Variants in CABP1 observed in about 807,000 individuals in gnomAD.
CABP1 encodes the protein calcium-binding protein 1.
Under a neutral mutation model 34.3 loss-of-function variants are expected in CABP1, and 17 were observed. That is an observed-to-expected ratio of 0.50 (90% CI 0.34 to 0.74). CABP1 has a LOEUF of 0.74. Ranked by LOEUF, CABP1 falls within the 30% of genes least tolerant of loss-of-function variation. CABP1 has a pLI of 0.01. For missense variants in CABP1, 373 were observed against 511.1 expected (o/e 0.73, Z 2.61); for synonymous variants, 198 against 229.2 (o/e 0.86, Z 1.23).
intron 1 of CABP1, among the ~76,000 whole-genome samples, chr12:120,651,397 C>A (rs1045606030): frequency 6.6e-6 from 1 of 152,178 alleles, no homozygotes; most frequent in Non-Finnish European, 1.5e-5. Flanking sequence ...TTAGAAAGAA[C>A]ATGATCATCT....
intron 1 of CABP1, among the ~76,000 whole-genome samples, chr12:120,658,661 C>T (rs940022038): frequency 1.3e-5 from 2 of 152,220 alleles, no homozygotes; most frequent in African/African-American, 4.8e-5. Flanking sequence ...GTCTTTTGTC[C>T]TGGGGCCAGT....
intron 1 of CABP1, among the ~76,000 whole-genome samples, chr12:120,658,573 A>C (rs1018701276): frequency 6.6e-6 from 1 of 152,026 alleles, no homozygotes; most frequent in Non-Finnish European, 1.5e-5. Context: ...TCTTGGTCCT[A>C]TGCACCTGGT....
At chr12:120,653,834 G>A (rs890654886) in intron 1 of CABP1, among the ~76,000 whole-genome samples, 11 of 152,158 alleles carry the variant, frequency 7.2e-5, no homozygotes, top group African/African-American at 1.9e-4. Context: ...CGCCCGGCCC[G>A]CCTCTTGGAG....
At chr12:120,671,138 G>A (rs1463342792), downstream of CABP1, among the ~76,000 whole-genome samples, 1 of 152,184 alleles carries the variant, frequency 6.6e-6, no homozygotes, top group African/African-American at 2.4e-5. Context: ...GGGCATGGTG[G>A]CTCATGCCTG....
rs1245971404 is a variant in CABP1 at position 120,641,429 on chromosome 12, C to G, written c.654+90C>G. On this transcript the variant is annotated intron_variant, in intron 1 of 5. Transcript: ENST00000316803. This position sits in a 1 kb window ranked among gnomAD's most constrained non-coding sequence, Gnocchi z 6.7. ...GCGCGTCCACAGCCTCCTCCCGCGGCCCGTGGTCCCCCACGGATCACGCCT... is the reference window on the plus strand; with the variant it reads ...GCGCGTCCACAGCCTCCTCCCGCGGGCCGTGGTCCCCCACGGATCACGCCT... 3 of 1,206,932 alleles carry G rather than the reference C, an allele frequency of 2.5e-6. No individual in the cohort carries two copies. Among genetic ancestry groups the G allele is most frequent in the Non-Finnish European group, 3.1e-6 (3 of 963,442 alleles). 74.8% of individuals were successfully genotyped at this position (1,206,932 alleles called of 1,614,324 possible).
rs927564828 is a variant in CABP1 at position 120,640,844 on chromosome 12, G to C, written c.159G>C (p.Ala53=). Residue 53 remains alanine, a synonymous_variant, in exon 1 of 6, where the codon GCG becomes GCC. Transcript: ENST00000316803. This position sits in a 1 kb window ranked among gnomAD's most constrained non-coding sequence, Gnocchi z 6.2. The part of the protein sequence containing the change: ...TAPPPPGHAS[A]GPAAMSSHIA... ...CGCCCCCGCCGGGCCATGCGAGCGC[G>C]GGCCCCGCCGCGATGAGCTCGCACA... 1.2e-3 allele frequency: 1,275 copies of C among 1,072,238 alleles called. 1 individual carries two copies. The highest frequency in any genetic ancestry group is 1.4e-3 in the Non-Finnish European group (1,229 of 887,714). 66.4% of individuals were successfully genotyped at this position (1,072,238 alleles called of 1,614,324 possible).
At chr12:120,647,560 C>CTT (rs10557275) in intron 1 of CABP1, among the ~76,000 whole-genome samples, 1,329 of 75,644 alleles carry the variant, frequency 0.018, 13 homozygotes, top group Middle Eastern at 0.026. Context: ...CAGTCCAAGC[C>CTT]TTTTTTTTTT....
At chr12:120,646,150 G>T (rs1879528410) in intron 1 of CABP1, among the ~76,000 whole-genome samples, 1 of 152,194 alleles carries the variant, frequency 6.6e-6, no homozygotes, top group Admixed American at 6.5e-5. Context: ...ATGCTGCTTT[G>T]GTGGGAGGTC....
intron 1 of CABP1, among the ~76,000 whole-genome samples, chr12:120,645,904 G>C (rs540843327): frequency 6.6e-6 from 1 of 152,254 alleles, no homozygotes; most frequent in African/African-American, 2.4e-5. Context: ...TACATGGCAG[G>C]GCCAGGTGTA....
At chr12:120,677,597 G>T in the CABP1 span, among the ~76,000 whole-genome samples, 3 of 151,420 alleles carry the variant, frequency 2.0e-5, no homozygotes, top group African/African-American at 7.3e-5. Flanking sequence ...GGAGTGGGGG[G>T]TGTCTCACGA....
rs996170954 is a variant in CABP1 at position 120,640,797 on chromosome 12, CCCGCGCCGCG to C, written c.117_126del (p.Thr43ProfsTer13). On this transcript the variant is annotated frameshift_variant, in exon 1 of 6. Coordinates refer to ENST00000316803, the MANE Select transcript of CABP1 (RefSeq NM_001033677.2). LOFTEE classifies it high-confidence loss of function. The surrounding 1 kb of genome is among the most constrained non-coding windows in gnomAD (Gnocchi z 6.2). Reference sequence around the variant, plus strand: ...GCCCCGTTCTCTGCCCGCCGGGGGCCCCGCGCCGCGCCGCACCGCGCCGCCCCCGCCGGGC... The same window carrying C: ...GCCCCGTTCTCTGCCCGCCGGGGGCCCCGCACCGCGCCGCCCCCGCCGGGC... 12 of 1,111,814 alleles carry C rather than the reference CCCGCGCCGCG, an allele frequency of 1.1e-5. No homozygotes were observed. Among genetic ancestry groups the C allele is most frequent in the African/African-American group, 1.7e-5 (1 of 59,934 alleles). 68.9% of individuals were successfully genotyped at this position (1,111,814 alleles called of 1,614,324 possible).
At chr12:120,652,642 G>C (rs1879917562) in intron 1 of CABP1, among the ~76,000 whole-genome samples, 1 of 152,102 alleles carries the variant, frequency 6.6e-6, no homozygotes, top group Non-Finnish European at 1.5e-5. Context: ...TTCTGGATCT[G>C]ACCTTAGAAG....
chr12:120,649,868 C>T (rs1427216772), intron 1 of CABP1, among the ~76,000 whole-genome samples: 2 of 152,172 alleles, frequency 1.3e-5, no homozygotes, highest in African/African-American at 4.8e-5. Context: ...CCAGACCTCC[C>T]AGGCTCTCGA....
At chr12:120,673,950 A>C in the CABP1 span, among the ~76,000 whole-genome samples, 15 of 152,186 alleles carry the variant, frequency 9.9e-5, no homozygotes, top group Non-Finnish European at 1.6e-4. Context: ...GGAAGGCCAA[A>C]GTGAGAGGAT....
intron 1 of CABP1, chr12:120,656,422 G>A (rs1880224888): frequency 4.9e-6 from 3 of 610,774 alleles, no homozygotes; most frequent in African/African-American, 3.7e-5. Flanking sequence ...CAAAGTGCTG[G>A]TGAGTCCATA....
rs2137322636 is a variant in CABP1, at chr12:120,641,039, G to A, written c.354G>A (p.Arg118=). The part of the protein sequence containing the change: ...TPQSSGDPSS[R]RPLCRPAPRE... ...AGTCGTCCGGGGACCCCAGTTCGCGGAGGCCCCTGTGCCGGCCGGCGCCGC... is the reference window on the plus strand; with the variant it reads ...AGTCGTCCGGGGACCCCAGTTCGCGAAGGCCCCTGTGCCGGCCGGCGCCGC... The change falls in exon 1 of 6, where the codon CGG becomes CGA. Residue 118 remains arginine, a synonymous_variant. Coordinates refer to ENST00000316803, the MANE Select transcript of CABP1 (RefSeq NM_001033677.2). The surrounding 1 kb of genome is among the most constrained non-coding windows in gnomAD (Gnocchi z 6.7). 1 of 1,178,816 alleles carries A rather than the reference G, an allele frequency of 8.5e-7. No individual in the cohort carries two copies. The highest frequency in any genetic ancestry group is 4.2e-5 in the South Asian group (1 of 23,900). The allele number at this position is 1,178,816 out of a possible 1,614,324, so 73.0% of individuals were successfully genotyped here.
chr12:120,662,682 T>G (rs1044985590), intron 5 of CABP1, among the ~76,000 whole-genome samples: 2 of 79,426 alleles, frequency 2.5e-5, no homozygotes, highest in Non-Finnish European at 4.9e-5. Context: ...TTTTATCCTG[T>G]TCTTTTTTTT....
intron 1 of CABP1, among the ~76,000 whole-genome samples, chr12:120,642,546 T>G (rs1879383298): frequency 6.6e-6 from 1 of 152,196 alleles, no homozygotes; most frequent in South Asian, 2.1e-4. Flanking sequence ...GTGTGTGGCT[T>G]TGTTCCTGCA....
At chr12:120,646,498 C>T (rs140618372) in intron 1 of CABP1, among the ~76,000 whole-genome samples, 30 of 152,246 alleles carry the variant, frequency 2.0e-4, no homozygotes, top group African/African-American at 6.7e-4. Flanking sequence ...AAGCCCCCAC[C>T]GTTCAGCCTT....
Sources: allele counts gnomAD v4.1 joint callset (sites outside exome capture counted in the v4.1 genomes callset), GRCh38; gene constraint gnomAD v4.1.1; non-coding constraint Gnocchi (gnomAD v3.1); transcripts MANE v1.5; gene names NCBI Gene and HGNC (gene_info 2026-07-23, HGNC 2026-07-21).